Variants in ZFHX3 observed in about 807,000 individuals in gnomAD.
The protein encoded by ZFHX3 is zinc finger homeobox 3.
In ZFHX3, 42 loss-of-function variants were observed where a neutral mutation model predicts 279.1. The observed-to-expected ratio is 0.15, with a 90% CI of 0.12 to 0.19. ZFHX3 has a LOEUF of 0.19. Ranked by LOEUF, ZFHX3 falls within the 10% of genes least tolerant of loss-of-function variation. The pLI, the probability that ZFHX3 is intolerant of heterozygous loss-of-function variation, is 1.00. For missense variants in ZFHX3, 4,981 were observed against 4,754.0 expected (o/e 1.05, Z -1.40); for synonymous variants, 2,293 against 1,957.8 (o/e 1.17, Z -4.52).
intron 2 of ZFHX3, among the ~76,000 whole-genome samples, chr16:73,499,004 A>G (rs2019189380): frequency 6.6e-6 from 1 of 152,202 alleles, no homozygotes; most frequent in Admixed American, 6.5e-5. Flanking sequence ...TGTGTGAACT[A>G]TGTGTTTATG....
At chr16:73,051,689 T>C (rs1311308483), upstream of ZFHX3, among the ~76,000 whole-genome samples, 2 of 152,202 alleles carry the variant, frequency 1.3e-5, no homozygotes, top group African/African-American at 2.4e-5. Context: ...TTAAAAGCTG[T>C]GATTTCGGAG....
At chr16:72,972,522 C>A (rs1417166094) in intron 1 of ZFHX3, among the ~76,000 whole-genome samples, 2 of 152,174 alleles carry the variant, frequency 1.3e-5, no homozygotes, top group Non-Finnish European at 1.5e-5. Flanking sequence ...CTTTCTTGTG[C>A]AGTGGAACCA....
At chr16:73,694,968 G>A (rs2053183299) in intron 1 of ZFHX3, among the ~76,000 whole-genome samples, 1 of 152,248 alleles carries the variant, frequency 6.6e-6, no homozygotes, top group Non-Finnish European at 1.5e-5. Flanking sequence ...ACTCCACTAA[G>A]CTGAGGCAGT....
At chr16:73,849,347 T>C (rs1961535032) in intron 1 of ZFHX3, among the ~76,000 whole-genome samples, 1 of 152,240 alleles carries the variant, frequency 6.6e-6, no homozygotes, top group Non-Finnish European at 1.5e-5. Flanking sequence ...CTTCACTTCA[T>C]CTGAACTCAG....
chr16:73,627,614 G>A (rs545908758), intron 2 of ZFHX3, among the ~76,000 whole-genome samples: 15 of 152,128 alleles, frequency 9.9e-5, no homozygotes, highest in Non-Finnish European at 1.5e-4. Flanking sequence ...AAGTCTTGAC[G>A]TGCTTTAAGA....
At chr16:73,412,843 G>A (rs952072712) in intron 3 of ZFHX3, among the ~76,000 whole-genome samples, 2 of 152,092 alleles carry the variant, frequency 1.3e-5, no homozygotes, top group Non-Finnish European at 2.9e-5. Context: ...GAAGATAATT[G>A]GGCTTTCTTA....
At chr16:72,960,650 C>G (rs1961534650) in intron 1 of ZFHX3, among the ~76,000 whole-genome samples, 1 of 152,110 alleles carries the variant, frequency 6.6e-6, no homozygotes, top group South Asian at 2.1e-4. Flanking sequence ...GTCAGGGGAA[C>G]ACAGGGGAGG....
chr16:73,670,640 A>C (rs1471495353), intron 2 of ZFHX3, among the ~76,000 whole-genome samples: 1 of 152,242 alleles, frequency 6.6e-6, no homozygotes, highest in Non-Finnish European at 1.5e-5. Context: ...GGGAAAACGT[A>C]ATGAAATAAG....
intron 8 of ZFHX3, among the ~76,000 whole-genome samples, chr16:73,084,516 T>A (rs1170142434): frequency 2.6e-5 from 1 of 38,654 alleles, no homozygotes; most frequent in Non-Finnish European, 7.2e-5. Context: ...AGGACTAAAT[T>A]TTTTTTTTTT....
At chr16:72,832,731 C>G (rs1248979850) in intron 4 of ZFHX3, among the ~76,000 whole-genome samples, 1 of 151,848 alleles carries the variant, frequency 6.6e-6, no homozygotes, top group Admixed American at 6.6e-5. Flanking sequence ...CCAGGACCTA[C>G]AGGTGTCGCC....
intron 8 of ZFHX3, among the ~76,000 whole-genome samples, chr16:73,090,250 C>T (rs1057286619): frequency 2.0e-5 from 3 of 151,908 alleles, no homozygotes; most frequent in African/African-American, 4.8e-5. Context: ...AAAAATTAGC[C>T]AGCATGGTGG....
intron 4 of ZFHX3, among the ~76,000 whole-genome samples, chr16:73,312,482 T>G (rs189002483): frequency 1.3e-5 from 2 of 152,292 alleles, no homozygotes; most frequent in South Asian, 2.1e-4. Flanking sequence ...GACTTAATGA[T>G]AGTGTGTCAA....
At chr16:73,367,500 C>T (rs1328128597) in intron 3 of ZFHX3, among the ~76,000 whole-genome samples, 1 of 152,190 alleles carries the variant, frequency 6.6e-6, no homozygotes, top group African/African-American at 2.4e-5. Context: ...TGAAAACATT[C>T]TGGTGCTGTT....
intron 3 of ZFHX3, among the ~76,000 whole-genome samples, chr16:73,433,510 T>C (rs148893222): frequency 6.6e-6 from 1 of 152,164 alleles, no homozygotes; most frequent in Non-Finnish European, 1.5e-5. Context: ...CGTTTATAAG[T>C]TTTCAAATCC....
intron 2 of ZFHX3, among the ~76,000 whole-genome samples, chr16:73,617,361 C>A (rs944339144): frequency 1.4e-4 from 22 of 152,218 alleles, no homozygotes; most frequent in Non-Finnish European, 3.1e-4. Context: ...GATGTGAATT[C>A]TTCCCAGAGA....
chr16:72,987,120 C>T (rs994885567), intron 1 of ZFHX3, among the ~76,000 whole-genome samples: 1 of 152,122 alleles, frequency 6.6e-6, no homozygotes, highest in Non-Finnish European at 1.5e-5. Flanking sequence ...GTGATCCAGC[C>T]ACTACACGCC....
At chr16:73,182,410 T>A (rs991504710) in intron 5 of ZFHX3, among the ~76,000 whole-genome samples, 2 of 152,096 alleles carry the variant, frequency 1.3e-5, no homozygotes, top group Admixed American at 6.5e-5. Context: ...TGAGCCAAGA[T>A]CGTGCCACTG....
chr16:73,440,067 G>A (rs948554188), intron 3 of ZFHX3, among the ~76,000 whole-genome samples: 1 of 152,030 alleles, frequency 6.6e-6, no homozygotes, highest in Non-Finnish European at 1.5e-5. Flanking sequence ...ACTAAGTGAG[G>A]GTTCATTGAT....
At chr16:73,802,122 A>C (rs1373676548) in intron 1 of ZFHX3, among the ~76,000 whole-genome samples, 1 of 152,234 alleles carries the variant, frequency 6.6e-6, no homozygotes, top group African/African-American at 2.4e-5. Flanking sequence ...CGGGCTGTGG[A>C]AACTGTGCCT....
Sources: gnomAD v4.1 joint callset for allele counts (sites outside exome capture counted in the v4.1 genomes callset) on GRCh38, gnomAD v4.1.1 for gene constraint, MANE v1.5 for transcripts, NCBI Gene and HGNC (gene_info 2026-07-23, HGNC 2026-07-21) for gene names.